Variants in GK observed in about 807,000 individuals in gnomAD.
GK encodes the protein ATP:glycerol 3-phosphotransferase.
Under a neutral mutation model 56.4 loss-of-function variants are expected in GK, and 9 were observed. The observed-to-expected ratio is 0.16, with a 90% confidence interval of 0.10 to 0.28. The LOEUF (loss-of-function observed/expected upper bound fraction) is 0.28. Ranked by LOEUF, GK falls within the 10% of genes least tolerant of loss-of-function variation. The probability of loss-of-function intolerance (pLI) is 1.00; values close to 1 mark genes in which losing one functional copy is unlikely to be tolerated. For missense variants in GK, 161 were observed against 431.4 expected (o/e 0.37, Z 5.55); for synonymous variants, 104 against 144.1 (o/e 0.72, Z 1.99).
At position 30,724,091 on chromosome X, in the gene GK, C is replaced by T; in HGVS notation, c.1502-10C>T. ...TTTCGTTATGTGTTTTTTCTACCTT[C>T]TAATTCTAGAAAGTGAAATTCGTTA... On this transcript the variant is annotated splice_polypyrimidine_tract_variant and intron_variant, in intron 18 of 20. Coordinates refer to ENST00000427190, the MANE Select transcript of GK (RefSeq NM_001205019.2). The T allele has an allele frequency of 9.0e-7, 1 of 1,107,378 alleles. No homozygotes were observed. The highest frequency in any genetic ancestry group is 1.2e-6 in the Non-Finnish European group (1 of 802,243). The allele number at this position is 1,107,378 out of a possible 1,213,427, so 91.3% of individuals were successfully genotyped here.
At chrX:30,677,824 C>CAAA (rs11400828) in intron 4 of GK, among the ~76,000 whole-genome samples, 1 of 78,248 alleles carries the variant, frequency 1.3e-5, no homozygotes. Flanking sequence ...GACTCCATCT[C>CAAA]AAAAAAAAAA....
intron 11 of GK, among the ~76,000 whole-genome samples, chrX:30,703,251 G>A (rs1935786159): frequency 1.8e-5 from 2 of 111,975 alleles, no homozygotes; most frequent in Non-Finnish European, 3.8e-5. Context: ...ATCATGTTGT[G>A]AAGCCCTATA....
At chrX:30,681,312 CAATT>C (rs1934266400) in intron 4 of GK, among the ~76,000 whole-genome samples, 1 of 111,906 alleles carries the variant, frequency 8.9e-6, no homozygotes, top group South Asian at 3.7e-4. Context: ...ATTAAGAACT[CAATT>C]GATGGGGTTT....
intron 1 of GK, among the ~76,000 whole-genome samples, chrX:30,658,372 G>A (rs746208539): frequency 1.1e-4 from 12 of 110,619 alleles, no homozygotes; most frequent in African/African-American, 3.3e-4. Flanking sequence ...CTGGAGTGCA[G>A]TGGCACGATC....
At chrX:30,689,448 A>C (rs752208748) in intron 4 of GK, 2 of 324,556 alleles carry the variant, frequency 6.2e-6, no homozygotes, top group African/African-American at 5.3e-5. Flanking sequence ...AGCAGGGGGC[A>C]GTTCTTTTGC....
In GK at chrX:30,723,171, G is replaced by T. The variant is rs1936984320; in HGVS notation, c.1502-930G>T. 2.7e-5 allele frequency among the ~76,000 whole-genome samples: 3 copies of T among 111,200 alleles called. No individual in the cohort carries two copies. In the South Asian group the frequency reaches 1.1e-3, roughly 42 times the overall value. On this transcript the variant is annotated intron_variant, in intron 18 of 20. Coordinates refer to ENST00000427190, the MANE Select transcript of GK (RefSeq NM_001205019.2). ...AGCACTTTGGGAAGCCGAGGCGGGCGGATCACGAGGTCAGGAGATCAAGAC... is the reference window on the plus strand; with the variant it reads ...AGCACTTTGGGAAGCCGAGGCGGGCTGATCACGAGGTCAGGAGATCAAGAC...
intron 3 of GK, 122 bp downstream of exon 3, chrX:30,668,240 A>C (rs776731184): frequency 3.8e-5 from 19 of 498,375 alleles, no homozygotes; most frequent in Non-Finnish European, 5.3e-5. Flanking sequence ...GAACTTGAGG[A>C]TACAACACTA....
chrX:30,699,188 T>C (rs1401032453), intron 9 of GK, among the ~76,000 whole-genome samples: 6 of 98,764 alleles, frequency 6.1e-5, no homozygotes, highest in African/African-American at 1.1e-4. Context: ...TATATATATA[T>C]ATGTTTTATA....
chrX:30,659,205 G>A (rs976547450), intron 1 of GK, among the ~76,000 whole-genome samples: 3 of 111,254 alleles, frequency 2.7e-5, no homozygotes, highest in Non-Finnish European at 3.8e-5. Flanking sequence ...CTAATTTTTT[G>A]TATTTTTAGT....
At chrX:30,718,942 G>A (rs1936759750) in intron 14 of GK, among the ~76,000 whole-genome samples, 1 of 111,681 alleles carries the variant, frequency 9.0e-6, no homozygotes, top group African/African-American at 3.3e-5. Context: ...TTAACTCTTA[G>A]ATTAGAGTGA....
intron 2 of GK, among the ~76,000 whole-genome samples, chrX:30,665,822 A>G (rs1933039827): frequency 8.9e-6 from 1 of 112,444 alleles, no homozygotes; most frequent in Non-Finnish European, 1.9e-5. Context: ...GCAAAAGAGT[A>G]TTAAATATCA....
intron 11 of GK, among the ~76,000 whole-genome samples, chrX:30,704,597 G>A (rs1304934677): frequency 1.9e-5 from 2 of 107,505 alleles, no homozygotes; most frequent in Non-Finnish European, 3.8e-5. Flanking sequence ...TTTTGAGATG[G>A]AGTCTCGCTC....
intron 4 of GK, among the ~76,000 whole-genome samples, chrX:30,683,649 G>GA (rs982396655): frequency 1.1e-4 from 12 of 112,137 alleles, no homozygotes; most frequent in African/African-American, 3.9e-4. Flanking sequence ...ATTATAAACA[G>GA]AAAAAAATTT....
chrX:30,694,429 C>T lies in GK; in HGVS notation c.444C>T (p.Tyr148=). 8.3e-7 allele frequency: 1 copy of T among 1,197,666 alleles called. No homozygotes were observed. Among genetic ancestry groups the T allele is most frequent in the Non-Finnish European group, 1.1e-6 (1 of 882,787 alleles). ...AGACAGGCCTTCCACTTAGCACTTA[C>T]TTCAGTGCAGTGAAACTTCGTTGGC... The part of the protein sequence containing the change: ...KSKTGLPLST[Y]FSAVKLRWLL... The change falls in exon 6 of 21, where the codon TAC becomes TAT. Residue 148 remains tyrosine (Y), a synonymous_variant. Coordinates refer to ENST00000427190, the MANE Select transcript of GK (RefSeq NM_001205019.2).
intron 2 of GK, among the ~76,000 whole-genome samples, chrX:30,666,527 A>T (rs1410324335): frequency 8.9e-6 from 1 of 111,799 alleles, no homozygotes; most frequent in East Asian, 2.8e-4. Flanking sequence ...AATATTTTGT[A>T]TCTTGACTGG....
intron 4 of GK, among the ~76,000 whole-genome samples, chrX:30,683,221 A>AAT (rs1330103798): frequency 9.0e-6 from 1 of 110,576 alleles, no homozygotes; most frequent in African/African-American, 3.3e-5. Flanking sequence ...GCTGTATATA[A>AAT]ATATATATAT....
chrX:30,657,241 A>G (rs747167878), intron 1 of GK, among the ~76,000 whole-genome samples: 1 of 112,729 alleles, frequency 8.9e-6, no homozygotes, highest in East Asian at 2.8e-4. Flanking sequence ...ACATTTTAGT[A>G]GTAGACATAC....
chrX:30,697,685 T>G, intron 8 of GK, 47 bp from the exon 9 acceptor site: 1 of 955,995 alleles, frequency 1.0e-6, no homozygotes, highest in East Asian at 3.1e-5. Flanking sequence ...CTCTTGTATT[T>G]AAAATATTAT....
Position 30,676,879 on chromosome X carries a change from A to G in GK, c.260-496A>G, listed in dbSNP as rs12009986. Among the ~76,000 whole-genome samples, 469 of 111,892 alleles carry G rather than the reference A, an allele frequency of 4.2e-3. 2 individuals carry two copies. Among genetic ancestry groups the G allele is most frequent in the African/African-American group, 0.014 (420 of 30,791 alleles). ...CTGAATTTCTAACAAACCATAATAT[A>G]AGGATGCTCAGCATGAAGGATTTTG... is the stretch of plus-strand genomic sequence containing the variant. On this transcript the variant is annotated intron_variant, in intron 3 of 20. Coordinates refer to ENST00000427190, the MANE Select transcript of GK (RefSeq NM_001205019.2).
Sources: gnomAD v4.1 joint callset for allele counts (sites outside exome capture counted in the v4.1 genomes callset) on GRCh38, gnomAD v4.1.1 for gene constraint, MANE v1.5 for transcripts, NCBI Gene and HGNC (gene_info 2026-07-23, HGNC 2026-07-21) for gene names.